PALM2AKAP2: variants seen among roughly 807,000 people sequenced by gnomAD.
PALM2AKAP2 encodes the protein PALM2-AKAP2 fusion protein.
PALM2AKAP2 carries 37 observed loss-of-function variants against 71.5 expected under a neutral mutation model. The ratio of observed to expected loss-of-function variants is 0.52; its 90% CI spans 0.40 to 0.68. The LOEUF (loss-of-function observed/expected upper bound fraction) is 0.68, where lower values mean the gene tolerates loss of function less well. Ranked by LOEUF, PALM2AKAP2 falls within the 30% of genes least tolerant of loss-of-function variation. PALM2AKAP2 has a pLI of 0.00. For missense variants in PALM2AKAP2, 1,224 were observed against 1,191.8 expected (o/e 1.03, Z -0.40); for synonymous variants, 468 against 478.8 (o/e 0.98, Z 0.29).
intron 6 of PALM2AKAP2, among the ~76,000 whole-genome samples, chr9:109,980,474 T>G (rs568771855): frequency 6.6e-6 from 1 of 152,336 alleles, no homozygotes; most frequent in East Asian, 1.9e-4. Flanking sequence ...CTGAGGCAAG[T>G]GAGCGCTAAG....
intron 1 of PALM2AKAP2, among the ~76,000 whole-genome samples, chr9:109,705,773 G>A (rs1564119658): frequency 6.6e-6 from 1 of 152,182 alleles, no homozygotes; most frequent in Admixed American, 6.5e-5. Flanking sequence ...CTTACTAACT[G>A]TATGCTTTTA....
intron 1 of PALM2AKAP2, chr9:109,640,933 G>T (rs1206235459): frequency 4.1e-6 from 6 of 1,467,980 alleles, no homozygotes; most frequent in South Asian, 2.7e-5. Flanking sequence ...GACCGCGGCG[G>T]CAGGCAGATC....
chr9:110,023,305 C>CTTTTTTTTTTTTT lies in PALM2AKAP2; in HGVS notation c.582+7280_582+7292dup, dbSNP rs149672913. On this transcript the variant is annotated intron_variant, in intron 7 of 9. Coordinates refer to the PALM2AKAP2 transcript ENST00000302798. Reference sequence around the variant, plus strand: ...GTGAGATGGTATCTCATTGTGGTTTCTTTTTTTTTTTTTTTTTTTTTTTTT... The same window carrying CTTTTTTTTTTTTT: ...GTGAGATGGTATCTCATTGTGGTTTCTTTTTTTTTTTTTTTTTTTTTTTTTTTTTTTTTTTTTT... Among the ~76,000 whole-genome samples the CTTTTTTTTTTTTT allele has an allele frequency of 1.4e-3, 106 of 74,042 alleles. 17 individuals carry two copies. Among genetic ancestry groups the CTTTTTTTTTTTTT allele is most frequent in the African/African-American group, 3.6e-3 (59 of 16,186 alleles). 48.6% of individuals were successfully genotyped at this position (74,042 alleles called of 152,430 possible). A position where few individuals can be genotyped will look rare whatever the true frequency, so the allele number is the denominator to read the frequency against.
chr9:109,886,570 T>C (rs1023964350), intron 3 of PALM2AKAP2, among the ~76,000 whole-genome samples: 2 of 152,192 alleles, frequency 1.3e-5, no homozygotes, highest in Admixed American at 6.5e-5. Context: ...GGATGAGCTG[T>C]CACAAAGCCA....
At chr9:110,168,047 A>C (rs755766157) in intron 3 of PALM2AKAP2, among the ~76,000 whole-genome samples, 1 of 152,236 alleles carries the variant, frequency 6.6e-6, no homozygotes. Flanking sequence ...ATCATTGCAT[A>C]AAGTTCAATT....
chr9:109,708,678 C>A (rs546181759), intron 1 of PALM2AKAP2, among the ~76,000 whole-genome samples: 2 of 152,162 alleles, frequency 1.3e-5, no homozygotes, highest in African/African-American at 4.8e-5. Flanking sequence ...TCCAGGCAAG[C>A]CTTTTTGCAC....
At chr9:110,142,068 CTTTTTT>C (rs994621645) in intron 2 of PALM2AKAP2, among the ~76,000 whole-genome samples, 8 of 121,854 alleles carry the variant, frequency 6.6e-5, no homozygotes, top group Non-Finnish European at 1.1e-4. Flanking sequence ...TCTTATTTTA[CTTTTTT>C]TTTTTTTTTT....
intron 1 of PALM2AKAP2, among the ~76,000 whole-genome samples, chr9:109,706,155 A>G (rs941243361): frequency 2.0e-5 from 3 of 152,254 alleles, no homozygotes; most frequent in African/African-American, 7.2e-5. Flanking sequence ...CTGGAAAGCT[A>G]TGAGATATGT....
chr9:109,691,893 TATATATATACACAC>T (rs759785169), intron 1 of PALM2AKAP2, among the ~76,000 whole-genome samples: 7,381 of 71,570 alleles, frequency 0.1, 439 homozygotes, highest in Non-Finnish European at 0.15. Flanking sequence ...TATATATATA[TATATATATACACAC>T]ACACATATAT....
chr9:110,160,577 T>G (rs1410152499), intron 3 of PALM2AKAP2, among the ~76,000 whole-genome samples: 2 of 152,226 alleles, frequency 1.3e-5, no homozygotes, highest in East Asian at 3.9e-4. Context: ...CTCTGATTCA[T>G]TAGTCCATCC....
At chr9:109,990,802 C>T (rs139153165) in intron 6 of PALM2AKAP2, among the ~76,000 whole-genome samples, 2,155 of 152,286 alleles carry the variant, frequency 0.014, 24 homozygotes, top group Non-Finnish European at 0.018. Flanking sequence ...GCCTTTTGTT[C>T]CTTGTGAGAT....
At position 109,706,746 on chromosome 9, in the gene PALM2AKAP2, A is replaced by G. The variant is rs564499272; in HGVS notation, c.5+65880A>G. ...TTGCCATGAAAAGAATGACATATTT[A>G]TACATGCTACAACCTGGATGCACCT... On this transcript the variant is annotated intron_variant, in intron 1 of 6. Coordinates refer to the PALM2AKAP2 transcript ENST00000374531. 3.3e-5 allele frequency among the ~76,000 whole-genome samples: 5 copies of G among 152,380 alleles called. No individual in the cohort carries two copies. The South Asian group carries it at 8.3e-4, about 25-fold the overall frequency.
At chr9:110,115,953 T>G (rs187671818) in intron 1 of PALM2AKAP2, among the ~76,000 whole-genome samples, 3 of 152,330 alleles carry the variant, frequency 2.0e-5, no homozygotes, top group African/African-American at 7.2e-5. Context: ...CCTCTGGCAT[T>G]GTGAACATTG....
chr9:109,658,670 G>T (rs1352838530), intron 1 of PALM2AKAP2, among the ~76,000 whole-genome samples: 1 of 152,146 alleles, frequency 6.6e-6, no homozygotes, highest in Non-Finnish European at 1.5e-5. Flanking sequence ...TCATGGTGGA[G>T]GGCAAAAGGC....
chr9:109,817,889 A>G (rs905806427), intron 1 of PALM2AKAP2, among the ~76,000 whole-genome samples: 10 of 152,220 alleles, frequency 6.6e-5, no homozygotes, highest in African/African-American at 2.2e-4. Flanking sequence ...CCTGCCACTC[A>G]CCAGGACTTC....
At chr9:109,889,319 A>T (rs1418079523) in intron 3 of PALM2AKAP2, among the ~76,000 whole-genome samples, 1 of 152,228 alleles carries the variant, frequency 6.6e-6, no homozygotes, top group Admixed American at 6.5e-5. Context: ...TGTTATGCGG[A>T]TCAACTCCTA....
intron 3 of PALM2AKAP2, among the ~76,000 whole-genome samples, chr9:109,904,950 C>T (rs1351029345): frequency 3.9e-5 from 6 of 152,132 alleles, no homozygotes; most frequent in Middle Eastern, 3.2e-3. Flanking sequence ...TAAAATTTGG[C>T]TTAAGGAAAT....
chr9:109,767,582 T>A, intron 1 of PALM2AKAP2, among the ~76,000 whole-genome samples: 1 of 152,166 alleles, frequency 6.6e-6, no homozygotes, highest in Admixed American at 6.5e-5. Flanking sequence ...GCTTAACCCC[T>A]CCCAAGGCCG....
chr9:110,154,495 G>A (rs954639728), intron 2 of PALM2AKAP2, among the ~76,000 whole-genome samples: 1 of 152,198 alleles, frequency 6.6e-6, no homozygotes, highest in Admixed American at 6.5e-5. Context: ...GTCTAAGGAA[G>A]GAAGGAAGAG....
Sources: allele counts gnomAD v4.1 joint callset (sites outside exome capture counted in the v4.1 genomes callset), GRCh38; gene constraint gnomAD v4.1.1; transcripts MANE v1.5; gene names NCBI Gene and HGNC (gene_info 2026-07-23, HGNC 2026-07-21).